The following PDZD2 variants were observed in gnomAD, a reference collection of about 807,000 sequenced individuals.
PDZD2 encodes PDZ domain containing 2, also known as PDZ domain-containing protein 2.
Under a neutral mutation model 220.7 loss-of-function variants are expected in PDZD2, and 90 were observed. The ratio of observed to expected loss-of-function variants is 0.41; its 90% confidence interval spans 0.34 to 0.49. The LOEUF is 0.49. PDZD2 is among the 20% of genes least tolerant of loss of function. PDZD2 has a pLI of 0.28. For missense variants in PDZD2, 3,174 were observed against 3,608.5 expected, an observed-to-expected ratio of 0.88 and a Z score of 3.08; for synonymous variants, 1,375 against 1,450.5, an observed-to-expected ratio of 0.95 and a Z score of 1.18.
intron 1 of PDZD2, among the ~76,000 whole-genome samples, chr5:31,789,744 C>G (rs898933544): frequency 2.6e-5 from 4 of 152,156 alleles, no homozygotes; most frequent in Non-Finnish European, 5.9e-5. Flanking sequence ...CGTGGTGAAA[C>G]CCCATCTCTA....
Position 31,639,969 on chromosome 5 carries a change from A to G in PDZD2, c.-361+532A>G, listed in dbSNP as rs968033795. Among the ~76,000 whole-genome samples the G allele has an allele frequency of 5.9e-5, 9 of 152,066 alleles. No individual in the cohort carries two copies. The highest frequency in any genetic ancestry group is 1.2e-4 in the Non-Finnish European group (8 of 68,006). Reference sequence around the variant, plus strand: ...CAGGGGGCGCGCAAAGATCAAGGGCATCTTAGGGCCGGTTATTGGCGTCTG... The same window carrying G: ...CAGGGGGCGCGCAAAGATCAAGGGCGTCTTAGGGCCGGTTATTGGCGTCTG... On this transcript the variant is annotated intron_variant, in intron 1 of 24. Transcript: ENST00000438447. This position sits in a 1 kb window ranked among gnomAD's most constrained non-coding sequence, Gnocchi z 4.1.
chr5:32,084,960 T>TC (rs2112451624), intron 19 of PDZD2, among the ~76,000 whole-genome samples: 1 of 142,040 alleles, frequency 7.0e-6, no homozygotes, highest in Admixed American at 7.0e-5. Context: ...TTTTTTTTTT[T>TC]TTTTTTTTTT....
chr5:31,869,916 C>G (rs957739747), intron 2 of PDZD2, among the ~76,000 whole-genome samples: 1 of 152,140 alleles, frequency 6.6e-6, no homozygotes, highest in Admixed American at 6.5e-5. Flanking sequence ...TTCGTGCCCT[C>G]ACAGCTGCTC....
intron 1 of PDZD2, among the ~76,000 whole-genome samples, chr5:31,668,421 G>T (rs1449475014): frequency 6.6e-6 from 1 of 152,190 alleles, no homozygotes; most frequent in Non-Finnish European, 1.5e-5. Flanking sequence ...GAGAACTTCA[G>T]GTCTCATTGT....
intron 1 of PDZD2, among the ~76,000 whole-genome samples, chr5:31,641,788 C>G (rs528856527): frequency 1.9e-4 from 29 of 152,280 alleles, no homozygotes; most frequent in African/African-American, 6.7e-4. Context: ...TGCGCCCAAC[C>G]TGGCCCCTCG....
chr5:32,009,141 G>A (rs1358739472), intron 5 of PDZD2, among the ~76,000 whole-genome samples: 1 of 151,904 alleles, frequency 6.6e-6, no homozygotes, highest in East Asian at 1.9e-4. Flanking sequence ...TCAGGGGTTC[G>A]AGACCAGCCT....
chr5:31,752,089 T>TTTTTTTTTTTTTTGG (rs1169621744), intron 1 of PDZD2, among the ~76,000 whole-genome samples: 1 of 141,102 alleles, frequency 7.1e-6, no homozygotes, highest in Non-Finnish European at 1.5e-5. Flanking sequence ...TTTTTTTTTT[T>TTTTTTTTTTTTTTGG]TCTGAGACAA....
intron 4 of PDZD2, among the ~76,000 whole-genome samples, chr5:31,996,256 G>A (rs1242701886): frequency 6.6e-6 from 1 of 152,100 alleles, no homozygotes; most frequent in East Asian, 1.9e-4. Flanking sequence ...TTTTCTCCTT[G>A]CGATCTGAAA....
chr5:32,004,475 G>A (rs142998057), intron 5 of PDZD2, among the ~76,000 whole-genome samples: 144 of 152,300 alleles, frequency 9.5e-4, no homozygotes, highest in African/African-American at 3.3e-3. Context: ...CCTGTAATCC[G>A]TGCTACTTGG....
intron 2 of PDZD2, among the ~76,000 whole-genome samples, chr5:31,803,850 A>G (rs1754549841): frequency 6.6e-6 from 1 of 152,126 alleles, no homozygotes; most frequent in South Asian, 2.1e-4. Flanking sequence ...AGCCTGGGCA[A>G]CATGGCAAGT....
chr5:32,029,862 T>G (rs1754987587), intron 6 of PDZD2, among the ~76,000 whole-genome samples: 1 of 152,190 alleles, frequency 6.6e-6, no homozygotes, highest in African/African-American at 2.4e-5. Flanking sequence ...CTCAGTAATA[T>G]CAAGAAAAGG....
chr5:31,899,158 G>A (rs1410765577), intron 2 of PDZD2, among the ~76,000 whole-genome samples: 1 of 151,806 alleles, frequency 6.6e-6, no homozygotes, highest in Non-Finnish European at 1.5e-5. Flanking sequence ...ATGGAGTTTT[G>A]CTCTGTCGCC....
At chr5:32,100,716 G>A (rs1168619728) in intron 23 of PDZD2, 3 of 400,284 alleles carry the variant, frequency 7.5e-6, no homozygotes, top group Non-Finnish European at 1.5e-5. Flanking sequence ...TAGCAGCCAG[G>A]GTTGGCAGAA....
intron 1 of PDZD2, among the ~76,000 whole-genome samples, chr5:31,767,053 G>T: frequency 1.1e-5 from 1 of 94,682 alleles, no homozygotes; most frequent in Non-Finnish European, 1.9e-5. Context: ...TTTTGAGACA[G>T]AGTCTCACTG....
intron 2 of PDZD2, among the ~76,000 whole-genome samples, chr5:31,968,885 T>G (rs1200150999): frequency 6.6e-6 from 1 of 152,158 alleles, no homozygotes; most frequent in Non-Finnish European, 1.5e-5. Flanking sequence ...TACAGCAGCC[T>G]GGATAGATAA....
intron 2 of PDZD2, among the ~76,000 whole-genome samples, chr5:31,974,142 A>G (rs1041596722): frequency 6.6e-6 from 1 of 152,072 alleles, no homozygotes; most frequent in African/African-American, 2.4e-5. Context: ...TACCACGCCC[A>G]GCTAATTTTT....
chr5:32,068,057 C>A (rs188993295), intron 14 of PDZD2, among the ~76,000 whole-genome samples: 265 of 152,074 alleles, frequency 1.7e-3, no homozygotes, highest in African/African-American at 6.2e-3. Context: ...ATCAAGAGAT[C>A]AAAGTTATCA....
At chr5:31,916,463 A>G (rs1298995301) in intron 2 of PDZD2, among the ~76,000 whole-genome samples, 1 of 152,242 alleles carries the variant, frequency 6.6e-6, no homozygotes, top group Non-Finnish European at 1.5e-5. Context: ...GTGCCTGTTC[A>G]TCTTTTTGTT....
intron 2 of PDZD2, among the ~76,000 whole-genome samples, chr5:31,955,074 G>C (rs1747540403): frequency 6.6e-6 from 1 of 152,174 alleles, no homozygotes; most frequent in Non-Finnish European, 1.5e-5. Context: ...GAGAGGACCT[G>C]TCTCTAGGAG....
Sources: allele counts gnomAD v4.1 joint callset (sites outside exome capture counted in the v4.1 genomes callset), GRCh38; gene constraint gnomAD v4.1.1; non-coding constraint Gnocchi (gnomAD v3.1); transcripts MANE v1.5; gene names NCBI Gene and HGNC (gene_info 2026-07-23, HGNC 2026-07-21).